Variants in IL1RAPL1 observed in about 807,000 individuals in gnomAD.
The protein encoded by IL1RAPL1 is interleukin-1 receptor accessory protein-like 1.
In IL1RAPL1, 3 loss-of-function variants were observed where a neutral mutation model predicts 48.4. That is an observed-to-expected ratio of 0.06 (90% CI 0.03 to 0.16). IL1RAPL1 has a LOEUF of 0.16. Ranked by LOEUF, IL1RAPL1 falls within the 10% of genes least tolerant of loss-of-function variation. IL1RAPL1 has a pLI of 1.00. For synonymous variants in IL1RAPL1, 185 were observed against 187.7 expected (o/e 0.99, Z 0.12); for missense variants, 349 against 530.6 (o/e 0.66, Z 3.36).
chrX:29,704,563 G>A (rs1927141067), intron 6 of IL1RAPL1, among the ~76,000 whole-genome samples: 1 of 111,003 alleles, frequency 9.0e-6, no homozygotes, highest in Non-Finnish European at 1.9e-5. Flanking sequence ...CAGATACTCA[G>A]GAGACTGAGG....
intron 5 of IL1RAPL1, among the ~76,000 whole-genome samples, chrX:29,567,654 A>C: frequency 8.9e-6 from 1 of 111,920 alleles, no homozygotes; most frequent in Non-Finnish European, 1.9e-5. Flanking sequence ...AAATTGATGC[A>C]GTTCATGTCA....
At chrX:29,149,691 T>C (rs974998957) in intron 2 of IL1RAPL1, among the ~76,000 whole-genome samples, 2 of 111,948 alleles carry the variant, frequency 1.8e-5, no homozygotes, top group Non-Finnish European at 3.8e-5. Context: ...ACCTGGATTA[T>C]ACAAACTTGA....
chrX:29,791,926 T>A (rs1929647213), intron 6 of IL1RAPL1, among the ~76,000 whole-genome samples: 1 of 108,932 alleles, frequency 9.2e-6, no homozygotes, highest in South Asian at 4.1e-4. Context: ...GAGATGGGGT[T>A]TCACCATGTT....
intron 2 of IL1RAPL1, among the ~76,000 whole-genome samples, chrX:28,837,900 A>T (rs1303074411): frequency 9.2e-6 from 1 of 108,303 alleles, no homozygotes; most frequent in Non-Finnish European, 1.9e-5. Flanking sequence ...CATTGTTTTC[A>T]TCCCAGTTCA....
intron 2 of IL1RAPL1, among the ~76,000 whole-genome samples, chrX:28,994,326 C>T (rs1016254589): frequency 1.8e-5 from 2 of 111,305 alleles, no homozygotes. Flanking sequence ...GGGGAATAGG[C>T]AGATATAGGA....
rs548570789 is a variant in IL1RAPL1 at position 28,762,502 on chromosome X, T to C, written c.-24-26818T>C. On this transcript the variant is annotated intron_variant, in intron 1 of 10. Transcript: ENST00000378993. Reference sequence around the variant, plus strand: ...ACGTTATCTGCAATCTTACCTCTTATTAATAATCACTGTTTAAACTTGGTA... The same window carrying C: ...ACGTTATCTGCAATCTTACCTCTTACTAATAATCACTGTTTAAACTTGGTA... 8.1e-5 allele frequency among the ~76,000 whole-genome samples: 9 copies of C among 111,310 alleles called. No individual in the cohort carries two copies. The South Asian group carries it at 3.4e-3, about 42-fold the overall frequency.
At chrX:29,654,985 T>G (rs2147093602) in intron 5 of IL1RAPL1, among the ~76,000 whole-genome samples, 1 of 111,983 alleles carries the variant, frequency 8.9e-6, no homozygotes, top group African/African-American at 3.2e-5. Context: ...TCACTTTCTT[T>G]TTGGTTACAG....
intron 2 of IL1RAPL1, among the ~76,000 whole-genome samples, chrX:29,255,870 C>T (rs1199573407): frequency 2.7e-5 from 3 of 111,375 alleles, no homozygotes; most frequent in African/African-American, 6.5e-5. Context: ...TTGATGGGCA[C>T]CTGGGTTGAT....
intron 6 of IL1RAPL1, among the ~76,000 whole-genome samples, chrX:29,697,836 A>C (rs931269552): frequency 7.2e-5 from 8 of 110,626 alleles, no homozygotes; most frequent in Admixed American, 9.6e-5. Context: ...AGGAGTACCG[A>C]AGTTGCTTCT....
At chrX:28,651,377 A>G (rs1238051917) in intron 1 of IL1RAPL1, among the ~76,000 whole-genome samples, 4 of 112,221 alleles carry the variant, frequency 3.6e-5, no homozygotes, top group Non-Finnish European at 7.5e-5. Flanking sequence ...GCTGCTTTTT[A>G]TTGTCTATGG....
chrX:29,279,435 C>CAAAAAAAAAAAAAAAA (rs369340241), intron 2 of IL1RAPL1, among the ~76,000 whole-genome samples: 1 of 83,401 alleles, frequency 1.2e-5, no homozygotes, highest in African/African-American at 4.4e-5. Flanking sequence ...GACTCCATCT[C>CAAAAAAAAAAAAAAAA]AAAAAAAAAA....
At chrX:29,858,247 A>G (rs1328495438) in intron 6 of IL1RAPL1, among the ~76,000 whole-genome samples, 1 of 111,906 alleles carries the variant, frequency 8.9e-6, no homozygotes, top group Non-Finnish European at 1.9e-5. Flanking sequence ...ATGGATCAAT[A>G]CAGCACACAA....
chrX:29,182,138 G>T (rs1465993632), intron 2 of IL1RAPL1, among the ~76,000 whole-genome samples: 1 of 109,915 alleles, frequency 9.1e-6, no homozygotes, highest in East Asian at 2.9e-4. Flanking sequence ...CTGACCTCTG[G>T]TAGAGGAGAA....
chrX:29,166,664 C>T (rs1460056418), intron 2 of IL1RAPL1, among the ~76,000 whole-genome samples: 1 of 111,959 alleles, frequency 8.9e-6, no homozygotes, highest in African/African-American at 3.2e-5. Flanking sequence ...TCCTGTTGGT[C>T]TTAATAACTT....
At chrX:29,285,842 T>A (rs894828980) in intron 3 of IL1RAPL1, among the ~76,000 whole-genome samples, 1 of 111,580 alleles carries the variant, frequency 9.0e-6, no homozygotes, top group African/African-American at 3.3e-5. Context: ...ACAAACAGCA[T>A]TTGAAATAGC....
At chrX:29,041,010 G>C (rs901093153) in intron 2 of IL1RAPL1, among the ~76,000 whole-genome samples, 7 of 112,025 alleles carry the variant, frequency 6.2e-5, no homozygotes, top group Non-Finnish European at 1.3e-4. Context: ...CTCTTTTATA[G>C]TGGAATGAGT....
intron 5 of IL1RAPL1, among the ~76,000 whole-genome samples, chrX:29,512,082 G>A (rs1250827309): frequency 1.1e-5 from 1 of 90,013 alleles, no homozygotes. Context: ...CAAATTGTTA[G>A]TTATCTTTAT....
chrX:29,430,591 A>G (rs950860047), intron 5 of IL1RAPL1, among the ~76,000 whole-genome samples: 2 of 106,781 alleles, frequency 1.9e-5, no homozygotes, highest in Non-Finnish European at 3.9e-5. Context: ...GTATATATAT[A>G]TATGTGTGTG....
chrX:29,909,075 T>G (rs1932709310), intron 6 of IL1RAPL1, among the ~76,000 whole-genome samples: 1 of 111,808 alleles, frequency 8.9e-6, no homozygotes, highest in Non-Finnish European at 1.9e-5. Flanking sequence ...TAAAACATTA[T>G]CATATTAAAA....
Sources: gnomAD v4.1 joint callset for allele counts (sites outside exome capture counted in the v4.1 genomes callset) on GRCh38, gnomAD v4.1.1 for gene constraint, MANE v1.5 for transcripts, NCBI Gene and HGNC (gene_info 2026-07-23, HGNC 2026-07-21) for gene names.